PDSS2: variants seen among roughly 807,000 people sequenced by gnomAD.
PDSS2 encodes decaprenyl diphosphate synthase subunit 2, also known as all trans-polyprenyl-diphosphate synthase PDSS2.
In PDSS2, 31 loss-of-function variants were observed where a neutral mutation model predicts 44.5. That is an observed-to-expected ratio of 0.70 (90% CI 0.52 to 0.94). PDSS2 has a LOEUF of 0.94. Among genes scored for constraint, PDSS2 ranks in the 40% least tolerant of loss-of-function variants. The pLI is 0.00. For missense variants in PDSS2, 452 were observed against 482.2 expected, an observed-to-expected ratio of 0.94 and a Z score of 0.59; for synonymous variants, 157 against 180.3, an observed-to-expected ratio of 0.87 and a Z score of 1.03.
intron 1 of PDSS2, among the ~76,000 whole-genome samples, chr6:107,455,885 T>C (rs1332298036): frequency 1.3e-5 from 2 of 151,886 alleles, no homozygotes; most frequent in African/African-American, 4.8e-5. Context: ...TTAGAAAGCA[T>C]TCTAAAGATA....
chr6:107,371,856 T>C (rs1779137071), intron 1 of PDSS2, among the ~76,000 whole-genome samples: 1 of 152,230 alleles, frequency 6.6e-6, no homozygotes, highest in African/African-American at 2.4e-5. Context: ...ATTCTAATGC[T>C]GGCATGTGCT....
intron 1 of PDSS2, among the ~76,000 whole-genome samples, chr6:107,368,063 G>A (rs904221810): frequency 1.3e-5 from 2 of 152,136 alleles, no homozygotes; most frequent in African/African-American, 2.4e-5. Context: ...GAGGTCAAGA[G>A]ATGGAGACCA....
rs543353186 is a variant in PDSS2 at position 107,282,588 on chromosome 6, G to T, written c.432-8361C>A. Among the ~76,000 whole-genome samples the T allele has an allele frequency of 2.6e-5, 4 of 151,478 alleles. No homozygotes were observed. In the South Asian group the frequency reaches 8.3e-4, roughly 32 times the overall value. ...TTTTTTTTAATTATTTTTTGGGGCC[G>T]GGCTCCGTGGTTCATGCCTGTAATC... On this transcript the variant is annotated intron_variant, in intron 2 of 7. Transcript: ENST00000369037.
chr6:107,226,138 C>T (rs1433422054), intron 4 of PDSS2, among the ~76,000 whole-genome samples: 1 of 152,096 alleles, frequency 6.6e-6, no homozygotes, highest in Non-Finnish European at 1.5e-5. Context: ...GAAACCCTGT[C>T]TCTACTAAAA....
Position 107,458,971 on chromosome 6 carries a change from C to T in PDSS2, c.296+19G>A, listed in dbSNP as rs758892092. The T allele has an allele frequency of 3.1e-6, 5 of 1,612,386 alleles. No homozygotes were observed. The Admixed American group carries it at 8.3e-5, about 27-fold the overall frequency. On this transcript the variant is annotated intron_variant, in intron 1 of 7. Coordinates refer to ENST00000369037, the MANE Select transcript of PDSS2 (RefSeq NM_020381.4). ...ATTCCAATGAGTGCGAGTGTGTCAG[C>T]GGGAGAGGGGTAGCTCACCTGGCTG...
chr6:107,303,647 C>T (rs1776767158), intron 2 of PDSS2, among the ~76,000 whole-genome samples: 1 of 152,190 alleles, frequency 6.6e-6, no homozygotes, highest in African/African-American at 2.4e-5. Context: ...AAATATGGAA[C>T]CACCTAATTC....
intron 1 of PDSS2, among the ~76,000 whole-genome samples, chr6:107,335,390 G>GT (rs1777854401): frequency 6.6e-6 from 1 of 152,162 alleles, no homozygotes; most frequent in Non-Finnish European, 1.5e-5. Context: ...GATGACGGTG[G>GT]TAAACAGTAG....
intron 2 of PDSS2, among the ~76,000 whole-genome samples, chr6:107,280,285 C>T (rs1775919706): frequency 6.6e-6 from 1 of 152,126 alleles, no homozygotes; most frequent in African/African-American, 2.4e-5. Context: ...TGGTCTTAAA[C>T]TCCTGACCTC....
chr6:107,328,429 GTTTTC>G (rs898000889), intron 2 of PDSS2, among the ~76,000 whole-genome samples: 7 of 152,030 alleles, frequency 4.6e-5, no homozygotes, highest in African/African-American at 1.7e-4. Flanking sequence ...TGGTGAAACT[GTTTTC>G]TTTTCTTTTC....
rs1236761544 is a variant in PDSS2, at chr6:107,272,096, AAAG to A, written c.630+1930_630+1932del. ...AAAAAAAAAGAAACAAAAAAAAAAAAAAGGACAACTGATAATGAGAACTCTCTC... is the reference window on the plus strand; with the variant it reads ...AAAAAAAAAGAAACAAAAAAAAAAAAGACAACTGATAATGAGAACTCTCTC... On this transcript the variant is annotated intron_variant, in intron 3 of 7. Coordinates refer to ENST00000369037, the MANE Select transcript of PDSS2 (RefSeq NM_020381.4). Among the ~76,000 whole-genome samples the A allele has an allele frequency of 8.6e-5, 13 of 151,906 alleles. No individual in the cohort carries two copies. The East Asian group carries it at 2.5e-3, about 29-fold the overall frequency.
intron 1 of PDSS2, among the ~76,000 whole-genome samples, chr6:107,345,194 A>G (rs1778204202): frequency 6.6e-6 from 1 of 151,778 alleles, no homozygotes. Flanking sequence ...AGAATAAATC[A>G]ACCGAATGTG....
intron 1 of PDSS2, among the ~76,000 whole-genome samples, chr6:107,372,345 G>A (rs897276388): frequency 3.9e-5 from 6 of 152,140 alleles, no homozygotes; most frequent in Non-Finnish European, 8.8e-5. Flanking sequence ...GCTATTCTAA[G>A]AATTTCTAGG....
intron 3 of PDSS2, among the ~76,000 whole-genome samples, chr6:107,250,581 T>C (rs896791041): frequency 3.3e-5 from 5 of 152,194 alleles, no homozygotes; most frequent in Non-Finnish European, 5.9e-5. Context: ...ACCTTGTTTA[T>C]AGTCTCAGAG....
chr6:107,229,226 G>A (rs12195924), intron 4 of PDSS2, among the ~76,000 whole-genome samples: 1,547 of 151,956 alleles, frequency 0.01, 9 homozygotes, highest in South Asian at 0.027. Context: ...TTCCTCTGTC[G>A]CCCAGGCTGG....
intron 1 of PDSS2, among the ~76,000 whole-genome samples, chr6:107,358,847 T>C (rs1284893782): frequency 2.0e-5 from 3 of 152,006 alleles, no homozygotes; most frequent in Non-Finnish European, 4.4e-5. Flanking sequence ...TAGCCAAAAA[T>C]GTCTCTAGAT....
chr6:107,293,833 C>T (rs945316061), intron 2 of PDSS2, among the ~76,000 whole-genome samples: 3 of 152,102 alleles, frequency 2.0e-5, no homozygotes, highest in Non-Finnish European at 4.4e-5. Flanking sequence ...TGTGTGATAG[C>T]AGATGAAGAA....
At chr6:107,229,375 C>T (rs531588286) in intron 4 of PDSS2, among the ~76,000 whole-genome samples, 102 of 152,070 alleles carry the variant, frequency 6.7e-4, no homozygotes, top group South Asian at 8.3e-4. Flanking sequence ...TTAGTAGAGA[C>T]GGGGTTTCAC....
Position 107,174,509 on chromosome 6 carries a change from A to C in PDSS2, c.1041+19313T>G, listed in dbSNP as rs370499693. ...AAAGATAGGACGACGCTGCCTCTAA[A>C]GGTCTACCCAAGCCCAAGATTCTAG... On this transcript the variant is annotated intron_variant, in intron 7 of 7. Transcript: ENST00000369037. Among the ~76,000 whole-genome samples the C allele has an allele frequency of 3.3e-5, 5 of 152,306 alleles. No homozygotes were observed. In the South Asian group the frequency reaches 1.0e-3, roughly 32 times the overall value.
intron 1 of PDSS2, among the ~76,000 whole-genome samples, chr6:107,391,207 A>G (rs1779769173): frequency 6.6e-6 from 1 of 152,076 alleles, no homozygotes. Flanking sequence ...TCTAACTCTT[A>G]AGATCAGTGG....
Sources: allele counts gnomAD v4.1 joint callset (sites outside exome capture counted in the v4.1 genomes callset), GRCh38; gene constraint gnomAD v4.1.1; transcripts MANE v1.5; gene names NCBI Gene and HGNC (gene_info 2026-07-23, HGNC 2026-07-21).